DKK2: variants seen among roughly 807,000 people sequenced by gnomAD.
DKK2 encodes dickkopf-related protein 2.
A neutral mutation model predicts 28.1 loss-of-function variants in DKK2; 11 were observed. The observed-to-expected ratio is 0.39, with a 90% CI of 0.25 to 0.65. The LOEUF (loss-of-function observed/expected upper bound fraction) is 0.65, where lower values mean the gene tolerates loss of function less well. DKK2 is among the 30% of genes least tolerant of loss of function. The probability of loss-of-function intolerance (pLI) is 0.47; values close to 1 mark genes in which losing one functional copy is unlikely to be tolerated. For synonymous variants in DKK2, 135 were observed against 126.5 expected (o/e 1.07, Z -0.45); for missense variants, 326 against 335.5 (o/e 0.97, Z 0.22).
intron 1 of DKK2, among the ~76,000 whole-genome samples, chr4:106,979,093 T>A (rs1344666827): frequency 6.6e-6 from 1 of 151,826 alleles, no homozygotes; most frequent in Non-Finnish European, 1.5e-5. Context: ...TTTTCAGAAT[T>A]TATAAAACTG....
intron 1 of DKK2, among the ~76,000 whole-genome samples, chr4:107,006,080 G>A (rs939435698): frequency 3.9e-5 from 6 of 152,072 alleles, no homozygotes; most frequent in African/African-American, 1.2e-4. Context: ...CAATTCCAAC[G>A]TTTAAGATTA....
chr4:107,017,464 A>G (rs1237335551), intron 1 of DKK2, among the ~76,000 whole-genome samples: 1 of 152,008 alleles, frequency 6.6e-6, no homozygotes, highest in Non-Finnish European at 1.5e-5. Context: ...AGAGAGAGAG[A>G]ATCAGAGACC....
At chr4:106,991,322 T>C (rs186018067) in intron 1 of DKK2, among the ~76,000 whole-genome samples, 40 of 152,268 alleles carry the variant, frequency 2.6e-4, no homozygotes, top group African/African-American at 8.7e-4. Flanking sequence ...TTTCTTTTAG[T>C]TCCATCCCAC....
At chr4:106,970,789 T>C (rs973631186) in intron 1 of DKK2, among the ~76,000 whole-genome samples, 3 of 152,088 alleles carry the variant, frequency 2.0e-5, no homozygotes, top group Non-Finnish European at 4.4e-5. Context: ...AAAACCCATA[T>C]GGTTACCTTG....
In DKK2 at chr4:107,020,985, A is replaced by G. The variant is rs188667466; in HGVS notation, c.222+14385T>C. Among the ~76,000 whole-genome samples the G allele has an allele frequency of 9.9e-5, 15 of 152,168 alleles. 1 individual carries two copies. Among genetic ancestry groups the G allele is most frequent in the Admixed American group, 5.9e-4 (9 of 15,272 alleles). On this transcript the variant is annotated intron_variant, in intron 1 of 3. Transcript: ENST00000285311. ...CTTTTGGAAATAATAAGCATATTAC[A>G]TGAATTTTGACCACGTTCTTCTAAT... is the stretch of plus-strand genomic sequence containing the variant.
chr4:106,983,090 A>C (rs1242744937), intron 1 of DKK2, among the ~76,000 whole-genome samples: 1 of 151,686 alleles, frequency 6.6e-6, no homozygotes, highest in South Asian at 2.1e-4. Context: ...GAAACAAAGA[A>C]AATTTCTAAA....
chr4:107,018,006 A>T (rs1450588693), intron 1 of DKK2, among the ~76,000 whole-genome samples: 1 of 152,038 alleles, frequency 6.6e-6, no homozygotes, highest in Non-Finnish European at 1.5e-5. Context: ...AGTACCCAAA[A>T]TTCTGAGAGG....
intron 1 of DKK2, among the ~76,000 whole-genome samples, chr4:106,964,993 A>G (rs1722749602): frequency 2.0e-5 from 3 of 149,808 alleles, no homozygotes; most frequent in African/African-American, 7.6e-5. Context: ...AGATAGATAG[A>G]TAGATAGATA....
chr4:107,015,329 C>A (rs1723579199), intron 1 of DKK2, among the ~76,000 whole-genome samples: 1 of 151,556 alleles, frequency 6.6e-6, no homozygotes, highest in South Asian at 2.1e-4. Context: ...TATACAAATA[C>A]TTATTAGCCA....
chr4:107,010,582 A>C (rs1014156232), intron 1 of DKK2, among the ~76,000 whole-genome samples: 2 of 151,620 alleles, frequency 1.3e-5, no homozygotes, highest in African/African-American at 4.8e-5. Context: ...AGACGTGTCA[A>C]GTCTCAGAAA....
intron 1 of DKK2, among the ~76,000 whole-genome samples, chr4:107,000,835 G>C (rs1431219807): frequency 6.6e-6 from 1 of 152,026 alleles, no homozygotes; most frequent in African/African-American, 2.4e-5. Flanking sequence ...GATGTCCATG[G>C]CCATACAACT....
chr4:106,962,417 GA>G (rs1327733982), intron 1 of DKK2, among the ~76,000 whole-genome samples: 2 of 151,336 alleles, frequency 1.3e-5, no homozygotes, highest in East Asian at 3.9e-4. Context: ...ACAGCCAACT[GA>G]TTTTCAATAA....
intron 1 of DKK2, among the ~76,000 whole-genome samples, chr4:106,931,724 A>G (rs913891609): frequency 7.9e-5 from 12 of 152,284 alleles, no homozygotes; most frequent in African/African-American, 2.6e-4. Context: ...ACATAATCTG[A>G]GAAACCTTCA....
At chr4:106,934,027 CTA>C (rs1035138555) in intron 1 of DKK2, among the ~76,000 whole-genome samples, 1 of 147,444 alleles carries the variant, frequency 6.8e-6, no homozygotes, top group Non-Finnish European at 1.5e-5. Flanking sequence ...TATACACACA[CTA>C]TATATATATA....
In DKK2 at chr4:106,961,565, G is replaced by GCACACACACACACA. The variant is rs34597899; in HGVS notation, c.223-35630_223-35617dup. Among the ~76,000 whole-genome samples, 151 of 136,300 alleles carry GCACACACACACACA rather than the reference G, an allele frequency of 1.1e-3. 1 individual carries two copies. Among genetic ancestry groups the GCACACACACACACA allele is most frequent in the African/African-American group, 3.0e-3 (107 of 35,246 alleles). The allele number at this position is 136,300 out of a possible 152,430, so 89.4% of individuals were successfully genotyped here. ...TTAAATTTGCAGCCGCCAACAGCCT[G>GCACACACACACACA]CACACACACACACACACACACACAC... On this transcript the variant is annotated intron_variant, in intron 1 of 3. Coordinates refer to ENST00000285311, the MANE Select transcript of DKK2 (RefSeq NM_014421.3).
chr4:106,999,672 C>A (rs1328819126), intron 1 of DKK2, among the ~76,000 whole-genome samples: 1 of 152,110 alleles, frequency 6.6e-6, no homozygotes, highest in Non-Finnish European at 1.5e-5. Context: ...TAAATTTTTT[C>A]AAATTCAGCC....
At chr4:107,016,503 A>G (rs1180768899) in intron 1 of DKK2, among the ~76,000 whole-genome samples, 1 of 151,956 alleles carries the variant, frequency 6.6e-6, no homozygotes, top group Non-Finnish European at 1.5e-5. Context: ...TTTTCTTAGA[A>G]AGCTCTGCTC....
rs142233904 is a variant in DKK2 at position 106,995,644 on chromosome 4, G to A, written c.222+39726C>T. ...TTTATTTATTTAGAGACGGACTCTCGCTCTGTCATCCAGGCTGGAGTGCAG... is the reference window on the plus strand; with the variant it reads ...TTTATTTATTTAGAGACGGACTCTCACTCTGTCATCCAGGCTGGAGTGCAG... On this transcript the variant is annotated intron_variant, in intron 1 of 3. Transcript: ENST00000285311. Among the ~76,000 whole-genome samples, 779 of 152,132 alleles carry A rather than the reference G, an allele frequency of 5.1e-3. 5 individuals carry two copies. The highest frequency in any genetic ancestry group is 0.018 in the African/African-American group (744 of 41,520).
chr4:106,973,860 T>C (rs1235960789), intron 1 of DKK2, among the ~76,000 whole-genome samples: 6 of 152,174 alleles, frequency 3.9e-5, no homozygotes. Flanking sequence ...AGGTTTTTTA[T>C]TGTTTTAGCT....
Sources: gnomAD v4.1 joint callset for allele counts (sites outside exome capture counted in the v4.1 genomes callset) on GRCh38, gnomAD v4.1.1 for gene constraint, MANE v1.5 for transcripts, NCBI Gene and HGNC (gene_info 2026-07-23, HGNC 2026-07-21) for gene names.